The following GNAQ variants were observed in gnomAD, a reference collection of about 807,000 sequenced individuals.
The protein encoded by GNAQ is guanine nucleotide-binding protein G(q) subunit alpha.
In GNAQ, 8 loss-of-function variants were observed where a neutral mutation model predicts 43.9. That is an observed-to-expected ratio of 0.18 (90% CI 0.11 to 0.33). The LOEUF (loss-of-function observed/expected upper bound fraction) is 0.33. GNAQ is among the 10% of genes least tolerant of loss of function. The pLI, the probability that GNAQ is intolerant of heterozygous loss-of-function variation, is 1.00. For synonymous variants in GNAQ, 155 were observed against 170.7 expected, an observed-to-expected ratio of 0.91 and a Z score of 0.71; for missense variants, 158 against 450.8, an observed-to-expected ratio of 0.35 and a Z score of 5.88.
At chr9:77,739,709 C>A (rs1157765763) in intron 5 of GNAQ, among the ~76,000 whole-genome samples, 3 of 152,190 alleles carry the variant, frequency 2.0e-5, no homozygotes, top group Non-Finnish European at 4.4e-5. Context: ...ATTTTGCAAA[C>A]TGTAGGAGAG....
At chr9:77,853,559 C>T (rs750289923) in intron 2 of GNAQ, among the ~76,000 whole-genome samples, 15 of 152,026 alleles carry the variant, frequency 9.9e-5, no homozygotes, top group African/African-American at 2.2e-4. Context: ...GACAGCCTTC[C>T]GGACAATACA....
intron 1 of GNAQ, among the ~76,000 whole-genome samples, chr9:78,020,790 G>A (rs915940141): frequency 4.6e-5 from 7 of 152,088 alleles, no homozygotes; most frequent in African/African-American, 1.7e-4. Flanking sequence ...TTTACCCTAT[G>A]TCTGTTCTTT....
intron 2 of GNAQ, among the ~76,000 whole-genome samples, chr9:77,869,648 C>G (rs1828005333): frequency 6.6e-6 from 1 of 152,134 alleles, no homozygotes; most frequent in Non-Finnish European, 1.5e-5. Flanking sequence ...GGATAAAATC[C>G]AAACTTCAAA....
intron 2 of GNAQ, among the ~76,000 whole-genome samples, chr9:77,864,039 A>C (rs1311479924): frequency 1.3e-5 from 2 of 152,080 alleles, no homozygotes; most frequent in Non-Finnish European, 2.9e-5. Context: ...CAGACTGTAC[A>C]AGAAGCATGG....
intron 2 of GNAQ, among the ~76,000 whole-genome samples, chr9:77,818,965 A>G (rs1827063663): frequency 7.8e-6 from 1 of 128,082 alleles, no homozygotes; most frequent in Non-Finnish European, 1.6e-5. Flanking sequence ...GCACCACGGC[A>G]TTCCAGCCTA....
At chr9:77,746,991 CTGAT>C (rs1311858902) in intron 5 of GNAQ, among the ~76,000 whole-genome samples, 1 of 152,094 alleles carries the variant, frequency 6.6e-6, no homozygotes, top group South Asian at 2.1e-4. Context: ...AAAATACAAA[CTGAT>C]TGATTTTTAA....
intron 2 of GNAQ, among the ~76,000 whole-genome samples, chr9:77,824,386 A>G (rs1827160572): frequency 6.6e-6 from 1 of 152,204 alleles, no homozygotes; most frequent in Non-Finnish European, 1.5e-5. Context: ...AAAGACATAA[A>G]TATCTCAGTT....
intron 5 of GNAQ, among the ~76,000 whole-genome samples, chr9:77,748,650 G>T (rs2118284406): frequency 6.6e-6 from 1 of 152,290 alleles, no homozygotes; most frequent in Non-Finnish European, 1.5e-5. Flanking sequence ...TAAAGGAAAA[G>T]TTATTTAACC....
chr9:77,993,632 G>A (rs1265431213), intron 1 of GNAQ, among the ~76,000 whole-genome samples: 1 of 151,964 alleles, frequency 6.6e-6, no homozygotes, highest in Non-Finnish European at 1.5e-5. Context: ...AACCTGGGAG[G>A]CAGAGGTTTC....
intron 2 of GNAQ, among the ~76,000 whole-genome samples, chr9:77,865,177 T>C (rs1201648951): frequency 6.6e-6 from 1 of 152,226 alleles, no homozygotes; most frequent in African/African-American, 2.4e-5. Flanking sequence ...CATACTTCTT[T>C]TCCTACCTGA....
chr9:77,862,842 C>A (rs1314614555), intron 2 of GNAQ, among the ~76,000 whole-genome samples: 1 of 152,140 alleles, frequency 6.6e-6, no homozygotes, highest in African/African-American at 2.4e-5. Flanking sequence ...AAACTGAATG[C>A]CTTTAACAGG....
rs906644769 is a variant in GNAQ at position 77,917,508 on chromosome 9, A to C, written c.321+4653T>G. Among the ~76,000 whole-genome samples, 7 of 152,178 alleles carry C rather than the reference A, an allele frequency of 4.6e-5. No individual in the cohort carries two copies. In the East Asian group the frequency reaches 5.8e-4, roughly 13 times the overall value. Reference sequence around the variant, plus strand: ...ACCTGCACATGTGCCCCTGAACCTAAAGTAAAAGTTTTAAAATAATAAACT... The same window carrying C: ...ACCTGCACATGTGCCCCTGAACCTACAGTAAAAGTTTTAAAATAATAAACT... On this transcript the variant is annotated intron_variant, in intron 2 of 6. Transcript: ENST00000286548.
intron 3 of GNAQ, among the ~76,000 whole-genome samples, chr9:77,801,550 T>C (rs1008551736): frequency 4.6e-5 from 7 of 152,172 alleles, no homozygotes; most frequent in Non-Finnish European, 1.0e-4. Context: ...GAAGCTGCAG[T>C]TTTTGCTTGC....
At position 77,797,636 on chromosome 9, in the gene GNAQ, G is replaced by A. The variant is rs749419808; in HGVS notation, c.489C>T (p.Asp163=). 26 of 1,613,482 alleles carry A rather than the reference G, an allele frequency of 1.6e-5. No individual in the cohort carries two copies. The South Asian group carries it at 2.7e-4, about 17-fold the overall frequency. Residue 163 remains aspartate (D), a synonymous_variant, in exon 4 of 7, where the codon GAC becomes GAT. Transcript: ENST00000286548. ...LSDSTKYYLN[D]LDRVADPAYL... is the part of the protein sequence containing the mutation. ...AGGCAGGGTCAGCTACGCGGTCCAA[G>A]TCATTAAGATAGCTAGAGGAGGGAA... is the stretch of plus-strand genomic sequence containing the variant.
intron 3 of GNAQ, among the ~76,000 whole-genome samples, chr9:77,806,169 A>G (rs1413478977): frequency 1.3e-5 from 2 of 152,210 alleles, no homozygotes; most frequent in Non-Finnish European, 2.9e-5. Context: ...GAAAGAAGGA[A>G]GTCTTTTTCA....
intron 3 of GNAQ, among the ~76,000 whole-genome samples, chr9:77,813,523 G>C (rs1826961651): frequency 6.6e-6 from 1 of 152,122 alleles, no homozygotes; most frequent in Non-Finnish European, 1.5e-5. Context: ...TAACTAATGG[G>C]TCCATGTCTA....
intron 3 of GNAQ, among the ~76,000 whole-genome samples, chr9:77,809,270 G>GT (rs1348735671): frequency 2.0e-5 from 3 of 152,214 alleles, no homozygotes; most frequent in Non-Finnish European, 4.4e-5. Flanking sequence ...ATTCGGTGAA[G>GT]TAAGATTAGA....
At chr9:77,732,189 C>T (rs993858313) in intron 5 of GNAQ, among the ~76,000 whole-genome samples, 4 of 152,060 alleles carry the variant, frequency 2.6e-5, no homozygotes, top group Non-Finnish European at 5.9e-5. Flanking sequence ...CAGAGCATGA[C>T]GTTTCAAGAG....
intron 5 of GNAQ, among the ~76,000 whole-genome samples, chr9:77,755,341 T>C (rs1389682383): frequency 6.6e-6 from 1 of 152,186 alleles, no homozygotes; most frequent in East Asian, 1.9e-4. Context: ...TTAAGTTTAT[T>C]GTACATTTTA....
Sources: allele counts gnomAD v4.1 joint callset (sites outside exome capture counted in the v4.1 genomes callset), GRCh38; gene constraint gnomAD v4.1.1; transcripts MANE v1.5; gene names NCBI Gene and HGNC (gene_info 2026-07-23, HGNC 2026-07-21).